Variants in PIK3R1 observed in about 807,000 individuals in gnomAD.
PIK3R1 encodes phosphoinositide-3-kinase regulatory subunit 1, also known as phosphatidylinositol 3-kinase regulatory subunit alpha.
Under a neutral mutation model 98.0 loss-of-function variants are expected in PIK3R1, and 29 were observed. The ratio of observed to expected loss-of-function variants is 0.30; its 90% CI spans 0.22 to 0.40. The LOEUF is 0.40. Ranked by LOEUF, PIK3R1 falls within the 10% of genes least tolerant of loss-of-function variation. PIK3R1 has a pLI of 1.00. For synonymous variants in PIK3R1, 282 were observed against 311.8 expected (o/e 0.90, Z 1.01); for missense variants, 596 against 872.7 (o/e 0.68, Z 3.99).
At position 68,226,942 on chromosome 5, in the gene PIK3R1, C is replaced by T. The variant is rs766793298; in HGVS notation, c.267C>T (p.Pro89=). The T allele has an allele frequency of 2.0e-5, 32 of 1,613,978 alleles. No individual in the cohort carries two copies. Among genetic ancestry groups the T allele is most frequent in the Middle Eastern group, 1.6e-4 (1 of 6,084 alleles). The part of the protein sequence containing the change: ...RKKISPPTPK[P]RPPRPLPVAP... ...AAATCTCGCCTCCCACACCAAAGCCCCGGCCACCTCGGCCTCTTCCTGTTG... is the reference window on the plus strand; with the variant it reads ...AAATCTCGCCTCCCACACCAAAGCCTCGGCCACCTCGGCCTCTTCCTGTTG... Residue 89 remains proline (P), a synonymous_variant, in exon 2 of 16, where the codon CCC becomes CCT. Transcript: ENST00000521381.
At chr5:68,278,815 C>G (rs544801872) in intron 4 of PIK3R1, among the ~76,000 whole-genome samples, 8 of 152,234 alleles carry the variant, frequency 5.3e-5, no homozygotes, top group African/African-American at 1.9e-4. Flanking sequence ...TGGTACACAC[C>G]TGTAATCCCA....
At chr5:68,292,022 T>A (rs542045341) in intron 7 of PIK3R1, 1 of 345,684 alleles carries the variant, frequency 2.9e-6, no homozygotes, top group East Asian at 4.7e-5. Flanking sequence ...CCCAATTTAT[T>A]TGTTAGTTTC....
intron 12 of PIK3R1, 77 bp downstream of exon 12, chr5:68,294,755 T>C: frequency 8.7e-7 from 1 of 1,155,444 alleles, no homozygotes; most frequent in Non-Finnish European, 1.2e-6. Context: ...TCGCTTTCTG[T>C]GCTTTGAATG....
At position 68,223,485 on chromosome 5, in the gene PIK3R1, C is replaced by T. The variant is rs116952301; in HGVS notation, c.-386-2805C>T. ...TGGATGCCCTGTTTGTATCCATCTT[C>T]CTGGCCTTACTTTGGGGTCTCAGAA... On this transcript the variant is annotated intron_variant, in intron 1 of 15. Coordinates refer to ENST00000521381, the MANE Select transcript of PIK3R1 (RefSeq NM_181523.3). Among the ~76,000 whole-genome samples the T allele has an allele frequency of 2.9e-3, 445 of 152,018 alleles. 7 individuals are homozygous for T. The East Asian group carries it at 0.044, about 15-fold the overall frequency.
intron 2 of PIK3R1, among the ~76,000 whole-genome samples, chr5:68,233,914 GTATT>G (rs1269311647): frequency 1.3e-5 from 2 of 152,110 alleles, no homozygotes; most frequent in Non-Finnish European, 2.9e-5. Flanking sequence ...CGATGTATTT[GTATT>G]TGTCTGTCTA....
chr5:68,264,839 C>G (rs555932778), intron 2 of PIK3R1, among the ~76,000 whole-genome samples: 1 of 152,178 alleles, frequency 6.6e-6, no homozygotes, highest in African/African-American at 2.4e-5. Flanking sequence ...GTGCACAGGG[C>G]AGCAGAGCTC....
intron 2 of PIK3R1, among the ~76,000 whole-genome samples, chr5:68,245,318 T>C (rs1264988752): frequency 6.6e-6 from 1 of 152,142 alleles, no homozygotes; most frequent in African/African-American, 2.4e-5. Context: ...ATGCTTTTTT[T>C]TTAAAAAAAA....
At chr5:68,295,089 C>A in intron 12 of PIK3R1, 59 bp from the exon 13 acceptor site, 1 of 1,409,598 alleles carries the variant, frequency 7.1e-7, no homozygotes, top group Non-Finnish European at 9.7e-7. Context: ...TTTTCATAAA[C>A]TTTGGGGACC....
intron 7 of PIK3R1, among the ~76,000 whole-genome samples, chr5:68,285,669 G>A (rs1185225334): frequency 6.6e-6 from 1 of 152,144 alleles, no homozygotes; most frequent in Non-Finnish European, 1.5e-5. Flanking sequence ...TTTGTCTCAA[G>A]GGACAAAGAT....
chr5:68,279,500 T>C (rs1746729227), intron 4 of PIK3R1, 102 bp from the exon 5 acceptor site: 1 of 803,854 alleles, frequency 1.2e-6, no homozygotes, highest in South Asian at 1.9e-5. Flanking sequence ...TCCTTATTTT[T>C]TTTTTTTTTT....
At chr5:68,264,920 C>A (rs1746061626) in intron 2 of PIK3R1, among the ~76,000 whole-genome samples, 1 of 152,182 alleles carries the variant, frequency 6.6e-6, no homozygotes, top group Non-Finnish European at 1.5e-5. Context: ...GATAGCTAGA[C>A]CCGCCGGTCC....
chr5:68,239,839 G>A lies in PIK3R1; in HGVS notation c.334+12830G>A, dbSNP rs1045399299. Reference sequence around the variant, plus strand: ...TTAAACAAGCAGATTTTTCCTCTCAGGAAACAGACACAAGAACAACTGAAA... The same window carrying A: ...TTAAACAAGCAGATTTTTCCTCTCAAGAAACAGACACAAGAACAACTGAAA... On this transcript the variant is annotated intron_variant, in intron 2 of 15. Coordinates refer to ENST00000521381, the MANE Select transcript of PIK3R1 (RefSeq NM_181523.3). 178 of 504,460 alleles carry A rather than the reference G, an allele frequency of 3.5e-4. 1 individual carries two copies. The highest frequency in any genetic ancestry group is 3.2e-3 in the African/African-American group (166 of 52,382). The allele number at this position is 504,460 out of a possible 1,614,324, so 31.2% of individuals were successfully genotyped here. A position where few individuals can be genotyped will look rare whatever the true frequency, so the allele number is the denominator to read the frequency against.
intron 7 of PIK3R1, among the ~76,000 whole-genome samples, chr5:68,285,394 C>T (rs140338969): frequency 1.3e-5 from 2 of 152,302 alleles, no homozygotes; most frequent in East Asian, 3.9e-4. Context: ...AGGGAAATGA[C>T]ATTCAAAGAG....
At chr5:68,248,274 G>C (rs1156693204) in intron 2 of PIK3R1, among the ~76,000 whole-genome samples, 1 of 152,024 alleles carries the variant, frequency 6.6e-6, no homozygotes, top group Non-Finnish European at 1.5e-5. Context: ...GAGCCACCAT[G>C]CCTGGCCAAC....
intron 7 of PIK3R1, among the ~76,000 whole-genome samples, chr5:68,289,133 G>GT (rs1276410630): frequency 6.6e-6 from 1 of 152,036 alleles, no homozygotes; most frequent in East Asian, 1.9e-4. Context: ...ACTCTGGGCT[G>GT]TTACACCCGC....
intron 2 of PIK3R1, among the ~76,000 whole-genome samples, chr5:68,239,713 G>T (rs1744800677): frequency 6.6e-6 from 1 of 152,208 alleles, no homozygotes; most frequent in African/African-American, 2.4e-5. Context: ...ACTGCTTGAT[G>T]CTGCTGACTT....
At chr5:68,217,973 C>G (rs974896974) in intron 1 of PIK3R1, among the ~76,000 whole-genome samples, 1 of 152,164 alleles carries the variant, frequency 6.6e-6, no homozygotes, top group Non-Finnish European at 1.5e-5. Flanking sequence ...GCAGTGTACA[C>G]ACTGCTATTT....
intron 7 of PIK3R1, chr5:68,288,625 G>A: frequency 6.3e-7 from 1 of 1,582,680 alleles, no homozygotes; most frequent in East Asian, 2.2e-5. Flanking sequence ...TGCCTGCCGG[G>A]AACAGGCTGG....
Position 68,293,943 on chromosome 5 carries a change from G to A in PIK3R1, c.1425+109G>A. The stretch of plus-strand genomic sequence containing the variant: ...GAGTTTTTACGAATGAGGTGGGGGT[G>A]AGAGCATTTATTTGTGAATCATTGT... On this transcript the variant is annotated intron_variant, in intron 11 of 15. Coordinates refer to ENST00000521381, the MANE Select transcript of PIK3R1 (RefSeq NM_181523.3). The A allele has an allele frequency of 4.8e-6, 4 of 837,994 alleles. No individual in the cohort carries two copies. The South Asian group carries it at 6.9e-5, about 14-fold the overall frequency. 51.9% of individuals were successfully genotyped at this position (837,994 alleles called of 1,614,324 possible).
Sources: gnomAD v4.1 joint callset for allele counts (sites outside exome capture counted in the v4.1 genomes callset) on GRCh38, gnomAD v4.1.1 for gene constraint, MANE v1.5 for transcripts, NCBI Gene and HGNC (gene_info 2026-07-23, HGNC 2026-07-21) for gene names.